Variants in RIC1 observed in about 807,000 individuals in gnomAD.
RIC1 encodes guanine nucleotide exchange factor subunit RIC1.
A neutral mutation model predicts 169.0 loss-of-function variants in RIC1; 88 were observed. The ratio of observed to expected loss-of-function variants is 0.52; its 90% CI spans 0.44 to 0.62. The LOEUF is 0.62. Among genes scored for constraint, RIC1 ranks in the 20% least tolerant of loss-of-function variants. RIC1 has a pLI of 0.00. For missense variants in RIC1, 1,877 were observed against 1,725.5 expected (o/e 1.09, Z -1.56); for synonymous variants, 790 against 601.5 (o/e 1.31, Z -4.59).
chr9:5,644,905 C>T (rs367788352), intron 1 of RIC1, among the ~76,000 whole-genome samples: 47 of 152,330 alleles, frequency 3.1e-4, no homozygotes, highest in African/African-American at 1.1e-3. Context: ...TGTTTCTCCA[C>T]ACCCGTTCTA....
Position 5,763,882 on chromosome 9 carries a change from T to C in RIC1, c.2841+14T>C. 6.3e-7 allele frequency: 1 copy of C among 1,591,314 alleles called. No individual in the cohort carries two copies. The highest frequency in any genetic ancestry group is 1.1e-5 in the South Asian group (1 of 88,292). ...ATTATCTTACAGGTAACAATTCTCT[T>C]CTTATAAAGGGGCAAGAATTAATGA... On this transcript the variant is annotated intron_variant, in intron 19 of 25. Transcript: ENST00000414202. The surrounding 1 kb of genome is among the most constrained non-coding windows in gnomAD (Gnocchi z 5.2).
At chr9:5,707,970 TTTGTTG>T (rs527538748) in intron 3 of RIC1, among the ~76,000 whole-genome samples, 1 of 152,062 alleles carries the variant, frequency 6.6e-6, no homozygotes, top group Non-Finnish European at 1.5e-5. Flanking sequence ...CTGCTGCCTT[TTTGTTG>T]TTGTTGTTGT....
At chr9:5,662,916 G>A (rs935309198) in intron 2 of RIC1, among the ~76,000 whole-genome samples, 2 of 152,178 alleles carry the variant, frequency 1.3e-5, no homozygotes, top group Admixed American at 6.5e-5. Context: ...TCTCTTAGTT[G>A]TGGTGTTAGG....
chr9:5,638,036 T>C (rs982399065), intron 1 of RIC1, among the ~76,000 whole-genome samples: 2 of 152,208 alleles, frequency 1.3e-5, no homozygotes, highest in African/African-American at 4.8e-5. Flanking sequence ...ATACCCAGTT[T>C]TTTTAGGGTT....
At chr9:5,677,806 C>G (rs1284755187) in intron 2 of RIC1, among the ~76,000 whole-genome samples, 1 of 151,810 alleles carries the variant, frequency 6.6e-6, no homozygotes, top group Non-Finnish European at 1.5e-5. Context: ...GAAAAAACTT[C>G]CACTGAACAA....
intron 17 of RIC1, among the ~76,000 whole-genome samples, chr9:5,759,203 T>C (rs533413437): frequency 6.6e-6 from 1 of 152,324 alleles, no homozygotes; most frequent in East Asian, 1.9e-4. Flanking sequence ...AGTGACAATT[T>C]AAAAATCATT....
At chr9:5,702,338 GA>G (rs1193413366) in intron 3 of RIC1, among the ~76,000 whole-genome samples, 1 of 152,094 alleles carries the variant, frequency 6.6e-6, no homozygotes, top group Non-Finnish European at 1.5e-5. Context: ...AATTTATAAA[GA>G]AAAGAGGTTT....
chr9:5,726,815 C>T (rs1308946584), intron 6 of RIC1, among the ~76,000 whole-genome samples: 7 of 152,298 alleles, frequency 4.6e-5, no homozygotes, highest in South Asian at 2.1e-4. Flanking sequence ...ACTTACGAAG[C>T]TTAGTTTGGC....
At chr9:5,644,445 T>C (rs923361294) in intron 1 of RIC1, among the ~76,000 whole-genome samples, 2 of 152,234 alleles carry the variant, frequency 1.3e-5, no homozygotes, top group African/African-American at 4.8e-5. Flanking sequence ...CAGGGACATA[T>C]TGCACAGTGG....
intron 24 of RIC1, 43 bp from the exon 25 acceptor site, chr9:5,772,849 G>A: frequency 6.3e-7 from 1 of 1,579,706 alleles, no homozygotes. Context: ...ACATCTTATA[G>A]ATCTTTCTTA....
At chr9:5,744,281 C>G (rs146389401) in intron 10 of RIC1, among the ~76,000 whole-genome samples, 1 of 151,998 alleles carries the variant, frequency 6.6e-6, no homozygotes, top group African/African-American at 2.4e-5. Context: ...GTGAAATGCT[C>G]ATTGGGCATT....
intron 2 of RIC1, among the ~76,000 whole-genome samples, chr9:5,656,976 C>G (rs1285838904): frequency 6.6e-6 from 1 of 151,574 alleles, no homozygotes; most frequent in Non-Finnish European, 1.5e-5. Context: ...AGTCTAACTG[C>G]TTTACTAATT....
chr9:5,654,193 A>T (rs1279318506), intron 1 of RIC1, among the ~76,000 whole-genome samples: 1 of 151,842 alleles, frequency 6.6e-6, no homozygotes, highest in Non-Finnish European at 1.5e-5. Context: ...TTGTAGAGAC[A>T]AGGTTTCACC....
intron 6 of RIC1, 24 bp downstream of exon 6, chr9:5,720,774 GT>G: frequency 1.3e-6 from 2 of 1,553,514 alleles, no homozygotes; most frequent in South Asian, 1.2e-5. Flanking sequence ...ACTTTGAAGG[GT>G]TTTTTGTTAT....
Position 5,765,794 on chromosome 9 carries a change from A to G in RIC1, c.3133A>G (p.Lys1045Glu). ...TLSMPSGPSGKRWSKDSDCAE... is the reference protein window; with the variant it reads ...TLSMPSGPSGERWSKDSDCAE... ...AAGTATGCCATCTGGTCCCTCTGGA[A>G]AAAGGTAAAATAATAAAGAGCCATT... The change falls in exon 21 of 26, where the codon AAA becomes GAA. Residue 1045 changes from lysine to glutamate, a missense_variant. Physicochemically the swap from Lys to Glu is moderately conservative, Grantham distance 56. This residue lies in a region of RIC1 where 681 missense variants were observed against 582.0 expected (regional missense o/e 1.17). Coordinates refer to ENST00000414202, the MANE Select transcript of RIC1 (RefSeq NM_020829.4). 6.2e-7 allele frequency: 1 copy of G among 1,614,064 alleles called. No homozygotes were observed. The highest frequency in any genetic ancestry group is 8.5e-7 in the Non-Finnish European group (1 of 1,179,968).
chr9:5,658,009 G>A (rs904092030), intron 2 of RIC1, among the ~76,000 whole-genome samples: 5 of 152,094 alleles, frequency 3.3e-5, no homozygotes, highest in African/African-American at 4.8e-5. Flanking sequence ...TACAGCAAGT[G>A]TATGTGGTGC....
At position 5,747,464 on chromosome 9, in the gene RIC1, T is replaced by G; in HGVS notation, c.1411T>G (p.Leu471Val). The G allele has an allele frequency of 1.9e-6, 3 of 1,614,132 alleles. No homozygotes were observed. The highest frequency in any genetic ancestry group is 2.2e-5 in the East Asian group (1 of 44,888). Residue 471 changes from leucine (L) to valine (V), a missense_variant, in exon 12 of 26, where the codon TTA becomes GTA. Transcript: ENST00000414202. ...AGATGGAGGTTTAGAGTCTCAGGGATTAAGCACTTTACTTGGACATCGGCA... is the reference window on the plus strand; with the variant it reads ...AGATGGAGGTTTAGAGTCTCAGGGAGTAAGCACTTTACTTGGACATCGGCA... ...FADGGLESQG[L>V]STLLGHRHWH... is the part of the protein sequence containing the mutation.
intron 6 of RIC1, among the ~76,000 whole-genome samples, chr9:5,721,658 A>T (rs1823597904): frequency 6.6e-6 from 1 of 152,214 alleles, no homozygotes; most frequent in Non-Finnish European, 1.5e-5. Flanking sequence ...TTTGGGCTTG[A>T]AAGTGGGTTT....
chr9:5,687,708 A>G (rs967135495), intron 2 of RIC1, among the ~76,000 whole-genome samples: 1 of 152,216 alleles, frequency 6.6e-6, no homozygotes. Context: ...TACACACGGT[A>G]TAAACCCCAG....
Sources: allele counts gnomAD v4.1 joint callset (sites outside exome capture counted in the v4.1 genomes callset), GRCh38; gene constraint gnomAD v4.1.1; regional missense constraint gnomAD v4.1.1; non-coding constraint Gnocchi (gnomAD v3.1); transcripts MANE v1.5; gene names NCBI Gene and HGNC (gene_info 2026-07-23, HGNC 2026-07-21).